MCF2L: variants seen among roughly 807,000 people sequenced by gnomAD.
The protein encoded by MCF2L is guanine nucleotide exchange factor DBS.
MCF2L carries 97 observed loss-of-function variants against 153.4 expected under a neutral mutation model. That is an observed-to-expected ratio of 0.63 (90% CI 0.54 to 0.75). MCF2L has a LOEUF of 0.75. MCF2L is among the 30% of genes least tolerant of loss of function. The pLI, the probability that MCF2L is intolerant of heterozygous loss-of-function variation, is 0.00. For synonymous variants in MCF2L, 659 were observed against 632.2 expected (o/e 1.04, Z -0.64); for missense variants, 1,347 against 1,495.2 (o/e 0.90, Z 1.64).
chr13:113,088,683 C>A (rs187536716), intron 25 of MCF2L, 55 bp downstream of exon 25: 5 of 1,551,310 alleles, frequency 3.2e-6, no homozygotes, highest in Non-Finnish European at 4.4e-6. Flanking sequence ...CCCGAGCAGG[C>A]CATTTGCACG....
chr13:113,007,083 G>A (rs1229663768), intron 1 of MCF2L, among the ~76,000 whole-genome samples: 2 of 152,102 alleles, frequency 1.3e-5, no homozygotes, highest in East Asian at 1.9e-4. Context: ...TTGGTCTCTG[G>A]TCCCTCTGCC....
intron 2 of MCF2L, among the ~76,000 whole-genome samples, chr13:112,921,845 A>G (rs1439357377): frequency 6.6e-6 from 1 of 152,226 alleles, no homozygotes; most frequent in Non-Finnish European, 1.5e-5. Flanking sequence ...TAGCAAATCT[A>G]TGAAATATGG....
In MCF2L at chr13:113,094,483, G is replaced by A. The variant is rs1346217199; in HGVS notation, c.2954-31G>A. 3.8e-6 allele frequency: 6 copies of A among 1,594,160 alleles called. No homozygotes were observed. In the South Asian group the frequency reaches 5.7e-5, roughly 15 times the overall value. On this transcript the variant is annotated intron_variant, in intron 26 of 29. Coordinates refer to ENST00000535094, the MANE Select transcript of MCF2L (RefSeq NM_001112732.3). ...GATGCAGACAGCGGCTCATCACCGG[G>A]GGGTCCCTCACGGGTGTCTGTCTCT...
intron 4 of MCF2L, among the ~76,000 whole-genome samples, chr13:113,058,002 G>C (rs2030526372): frequency 1.3e-5 from 2 of 149,510 alleles, no homozygotes. Context: ...TGAGTGTTTG[G>C]GCTCTGAGTG....
In MCF2L at chr13:113,074,903, C is replaced by G. The variant is rs2033297193; in HGVS notation, c.1117-95C>G. 1.8e-6 allele frequency: 2 copies of G among 1,113,744 alleles called. No individual in the cohort carries two copies. Among genetic ancestry groups the G allele is most frequent in the Non-Finnish European group, 2.6e-6 (2 of 775,450 alleles). 69.0% of individuals were successfully genotyped at this position (1,113,744 alleles called of 1,614,324 possible). A position where few individuals can be genotyped will look rare whatever the true frequency, so the allele number is the denominator to read the frequency against. On this transcript the variant is annotated intron_variant, in intron 10 of 29. Transcript: ENST00000535094. The surrounding 1 kb of genome is among the most constrained non-coding windows in gnomAD (Gnocchi z 4.2). ...AGCAGTAAACAAAGAAATCAAGACA[C>G]ACGTGTGCCCCGGGACACACATCCC...
rs567451789 is a variant in MCF2L at position 113,074,672 on chromosome 13, A to G, written c.1116+109A>G. On this transcript the variant is annotated intron_variant, in intron 10 of 29. Coordinates refer to ENST00000535094, the MANE Select transcript of MCF2L (RefSeq NM_001112732.3). The surrounding 1 kb of genome is among the most constrained non-coding windows in gnomAD (Gnocchi z 4.2). ...CCCGCCTACGGAGAACGGACCCCAC[A>G]GCCCCCCGGGGATGTCCATGGGGTG... 2.0e-6 allele frequency: 3 copies of G among 1,487,362 alleles called. No homozygotes were observed. In the East Asian group the frequency reaches 7.1e-5, roughly 35 times the overall value. The allele number at this position is 1,487,362 out of a possible 1,614,324, so 92.1% of individuals were successfully genotyped here.
In MCF2L at chr13:113,096,869, G is replaced by A. The variant is rs763678457; in HGVS notation, c.*10G>A. 12 of 1,414,148 alleles carry A rather than the reference G, an allele frequency of 8.5e-6. No homozygotes were observed. Among genetic ancestry groups the A allele is most frequent in the East Asian group, 2.9e-5 (1 of 34,346 alleles). The allele number at this position is 1,414,148 out of a possible 1,614,324, so 87.6% of individuals were successfully genotyped here. ...CGACCTGCAGGGGTAGCGCGGCCTC[G>A]GCGCCGGAGACCCGCGCGCTGTCTG... On this transcript the variant is annotated 3_prime_UTR_variant, in exon 30 of 30. Transcript: ENST00000535094.
intron 2 of MCF2L, among the ~76,000 whole-genome samples, chr13:112,922,542 A>C (rs1594331113): frequency 6.6e-6 from 1 of 152,150 alleles, no homozygotes; most frequent in Middle Eastern, 3.4e-3. Flanking sequence ...AAAAAAAAAA[A>C]AACCCATCAG....
At chr13:113,055,626 A>T (rs1422027442) in intron 4 of MCF2L, among the ~76,000 whole-genome samples, 1 of 152,204 alleles carries the variant, frequency 6.6e-6, no homozygotes, top group Non-Finnish European at 1.5e-5. Context: ...CCTTGCTGAG[A>T]CACAGAATCT....
At position 113,049,754 on chromosome 13, in the gene MCF2L, C is replaced by T. The variant is rs559829028; in HGVS notation, c.369+4393C>T. ...GACTTGCCTCCAAGCGCTCGGCCAC[C>T]GAGGAGGACGCAGCGCTTACATAAT... On this transcript the variant is annotated intron_variant, in intron 4 of 29. Coordinates refer to ENST00000535094, the MANE Select transcript of MCF2L (RefSeq NM_001112732.3). Among the ~76,000 whole-genome samples, 27 of 152,336 alleles carry T rather than the reference C, an allele frequency of 1.8e-4. 2 individuals are homozygous for T. In the South Asian group the frequency reaches 5.0e-3, roughly 28 times the overall value.
chr13:112,910,180 T>G (rs1334296940), intron 2 of MCF2L: 1 of 152,242 alleles, frequency 6.6e-6, no homozygotes, highest in East Asian at 1.9e-4. Flanking sequence ...GACCACAAGG[T>G]CTCTTTCTCT....
intron 3 of MCF2L, chr13:113,044,329 C>T: frequency 3.0e-6 from 1 of 328,274 alleles, no homozygotes; most frequent in Non-Finnish European, 6.0e-6. Context: ...TTGGGAGTTG[C>T]TGTTTCTGTC....
chr13:112,906,283 A>C (rs1401894586), intron 2 of MCF2L, among the ~76,000 whole-genome samples: 2 of 152,236 alleles, frequency 1.3e-5, no homozygotes, highest in Non-Finnish European at 2.9e-5. Flanking sequence ...AGGCCTCCTC[A>C]GGGCTCCTGC....
Position 113,005,537 on chromosome 13 carries a change from C to T in MCF2L, c.80-9226C>T, listed in dbSNP as rs547195363. On this transcript the variant is annotated intron_variant, in intron 1 of 29. Transcript: ENST00000535094. ...GTGGCCGTGGTCTGTTTGTGGTGGC[C>T]GTGGTTGGTTCTGGGTGGCTGTGGT... Among the ~76,000 whole-genome samples the T allele has an allele frequency of 4.1e-4, 61 of 150,366 alleles. 1 individual carries two copies. Among genetic ancestry groups the T allele is most frequent in the Middle Eastern group, 3.4e-3 (1 of 290 alleles).
At chr13:113,085,441 G>C (rs1219146324) in intron 20 of MCF2L, among the ~76,000 whole-genome samples, 1 of 152,170 alleles carries the variant, frequency 6.6e-6, no homozygotes, top group East Asian at 1.9e-4. Flanking sequence ...GTGATGTGCT[G>C]ACCCGTCCCT....
intron 5 of MCF2L, among the ~76,000 whole-genome samples, chr13:113,061,661 G>A (rs1037220517): frequency 6.1e-5 from 9 of 148,126 alleles, no homozygotes; most frequent in African/African-American, 2.2e-4. Context: ...ACGGCCTGGG[G>A]CCTTTCCCCA....
chr13:113,086,240 C>T lies in MCF2L; in HGVS notation c.2364C>T (p.Thr788=), dbSNP rs137978862. Reference sequence around the variant, plus strand: ...ACTCCATGCACCTCATCGCTATCACCGGCTATGACGTAAGGCGCCCAGATG... The same window carrying T: ...ACTCCATGCACCTCATCGCTATCACTGGCTATGACGTAAGGCGCCCAGATG... ...VNDSMHLIAI[T]GYDGNLGDLG... Residue 788 remains threonine (T), a synonymous_variant, in exon 21 of 30, where the codon ACC becomes ACT. Transcript: ENST00000535094. 2.2e-3 allele frequency: 3,598 copies of T among 1,609,624 alleles called. 13 individuals are homozygous for T. The highest frequency in any genetic ancestry group is 4.8e-3 in the Middle Eastern group (29 of 6,054).
At chr13:113,084,849 C>A in intron 18 of MCF2L, 43 bp from the exon 19 acceptor site, 1 of 1,464,294 alleles carries the variant, frequency 6.8e-7, no homozygotes, top group Non-Finnish European at 9.6e-7. Context: ...TGATGCGCTG[C>A]CCATCCCTCA....
At chr13:112,948,675 C>T (rs1282353546) in intron 2 of MCF2L, among the ~76,000 whole-genome samples, 1 of 152,226 alleles carries the variant, frequency 6.6e-6, no homozygotes, top group African/African-American at 2.4e-5. Context: ...TCAGCTTCTA[C>T]CTCAAGAACT....
Sources: gnomAD v4.1 joint callset for allele counts (sites outside exome capture counted in the v4.1 genomes callset) on GRCh38, gnomAD v4.1.1 for gene constraint, Gnocchi (gnomAD v3.1) non-coding constraint, MANE v1.5 for transcripts, NCBI Gene and HGNC (gene_info 2026-07-23, HGNC 2026-07-21) for gene names.